Variants in IL3RA observed in about 807,000 individuals in gnomAD.
IL3RA encodes the protein interleukin 3 receptor subunit alpha.
A neutral mutation model predicts 52.3 loss-of-function variants in IL3RA; 73 were observed. That is an observed-to-expected ratio of 1.40 (90% CI 1.16 to 1.70). IL3RA has a LOEUF of 1.70. Among genes scored for constraint, IL3RA ranks in the 40% most tolerant of loss-of-function variants. The pLI is 0.00. For synonymous variants in IL3RA, 260 were observed against 194.0 expected, an observed-to-expected ratio of 1.34 and a Z score of -2.83; for missense variants, 664 against 504.4, an observed-to-expected ratio of 1.32 and a Z score of -3.03.
chrX:1,355,410 C>T (rs1384293655), intron 6 of IL3RA, among the ~76,000 whole-genome samples: 1 of 82,418 alleles, frequency 1.2e-5, no homozygotes, highest in Non-Finnish European at 2.2e-5. Context: ...AGAGTAGGAG[C>T]GGAGGGGGAG....
Position 1,378,885 on chromosome X carries a change from C to T in IL3RA, c.980+121C>T, listed in dbSNP as rs2088986572. The T allele has an allele frequency of 5.2e-6, 5 of 964,060 alleles. No homozygotes were observed. In the Admixed American group the frequency reaches 8.4e-5, roughly 16 times the overall value. The allele number at this position is 964,060 out of a possible 1,614,324, so 59.7% of individuals were successfully genotyped here. A position where few individuals can be genotyped will look rare whatever the true frequency, so the allele number is the denominator to read the frequency against. On this transcript the variant is annotated intron_variant, in intron 10 of 11. Coordinates refer to ENST00000331035, the MANE Select transcript of IL3RA (RefSeq NM_002183.4). The stretch of plus-strand genomic sequence containing the variant: ...TGTGATGGAGTCTCGCTCTGTCTCC[C>T]AGGCTGGAGTGCAGTGGCACGATCT...
intron 11 of IL3RA, among the ~76,000 whole-genome samples, 164 bp downstream of exon 11, chrX:1,381,268 G>T (rs190811192): frequency 1.3e-5 from 2 of 152,088 alleles, no homozygotes; most frequent in Non-Finnish European, 2.9e-5. Flanking sequence ...TGTGGTGGCG[G>T]GCGCCTGTAA....
At chrX:1,353,123 C>T (rs2086220028) in intron 6 of IL3RA, among the ~76,000 whole-genome samples, 1 of 149,948 alleles carries the variant, frequency 6.7e-6, no homozygotes, top group South Asian at 2.1e-4. Context: ...CATGGGACAC[C>T]CCCCATCATG....
chrX:1,365,158 C>G lies in IL3RA; in HGVS notation c.780C>G (p.Phe260Leu). 1 of 1,610,386 alleles carries G rather than the reference C, an allele frequency of 6.2e-7. No homozygotes were observed. The change falls in exon 9 of 12, where the codon TTC becomes TTG. Residue 260 changes from phenylalanine (F) to leucine (L), a missense_variant. Physicochemically the swap from Phe to Leu is conservative, Grantham distance 22. Coordinates refer to ENST00000331035, the MANE Select transcript of IL3RA (RefSeq NM_002183.4). ...CACAGGTCAGAGACAGAACCTCCTT[C>G]CAGCTACTCAATCCTGGAACGTACA... ...ITEQVRDRTS[F>L]QLLNPGTYTV... is the part of the protein sequence containing the mutation.
At chrX:1,380,863 C>T (rs748168808) in intron 10 of IL3RA, among the ~76,000 whole-genome samples, 160 bp from the exon 11 acceptor site, 29 of 151,462 alleles carry the variant, frequency 1.9e-4, no homozygotes, top group Admixed American at 1.3e-3. Flanking sequence ...TGGTCGGGGG[C>T]GTGTCAGGGC....
At chrX:1,362,331 GTCTGTT>G (rs1328240140) in intron 8 of IL3RA, among the ~76,000 whole-genome samples, 2 of 131,766 alleles carry the variant, frequency 1.5e-5, no homozygotes, top group Non-Finnish European at 3.3e-5. Context: ...GTCTCTCCCT[GTCTGTT>G]TCTATCTCTG....
chrX:1,349,462 G>C (rs2085981166), intron 4 of IL3RA, among the ~76,000 whole-genome samples: 1 of 151,662 alleles, frequency 6.6e-6, no homozygotes, highest in Admixed American at 6.6e-5. Flanking sequence ...GTACAGGGGT[G>C]AGCCACCGCG....
chrX:1,347,452 C>A (rs780627931), intron 3 of IL3RA, among the ~76,000 whole-genome samples: 19 of 150,506 alleles, frequency 1.3e-4, no homozygotes, highest in East Asian at 7.8e-4. Flanking sequence ...CTCAAAAAAA[C>A]AAAAACAAAA....
intron 1 of IL3RA, among the ~76,000 whole-genome samples, chrX:1,341,188 T>C (rs2085474169): frequency 6.6e-6 from 1 of 151,800 alleles, no homozygotes; most frequent in African/African-American, 2.4e-5. Flanking sequence ...TAATCCCAGC[T>C]ACTCAGGAGG....
In IL3RA at chrX:1,356,269, C is replaced by T; in HGVS notation, c.665C>T (p.Ser222Phe). The change falls in exon 7 of 12, where the codon TCC (serine) becomes TTC (phenylalanine). Residue 222 changes from serine to phenylalanine, a missense_variant. By Grantham distance (155) the Ser-to-Phe change is radical. Coordinates refer to ENST00000331035, the MANE Select transcript of IL3RA (RefSeq NM_002183.4). ...ACTGCAAAGTGTAATAAGACACATT[C>T]CTTTATGCACTGGAAAATGAGAAGT... ...NMTAKCNKTH[S>F]FMHWKMRSHF... 6.2e-7 allele frequency: 1 copy of T among 1,613,666 alleles called. No individual in the cohort carries two copies. Among genetic ancestry groups the T allele is most frequent in the South Asian group, 1.1e-5 (1 of 91,070 alleles).
intron 10 of IL3RA, among the ~76,000 whole-genome samples, chrX:1,380,801 C>T (rs370994896): frequency 1.3e-4 from 19 of 151,664 alleles, no homozygotes; most frequent in South Asian, 4.2e-4. Context: ...TGGGTGGCTC[C>T]GGTACCAGCG....
intron 4 of IL3RA, among the ~76,000 whole-genome samples, chrX:1,351,863 C>T (rs1343878329): frequency 2.0e-5 from 3 of 152,018 alleles, no homozygotes; most frequent in South Asian, 2.1e-4. Context: ...CTCCGGACCT[C>T]GGGTGATCCA....
At chrX:1,348,389 C>CAT in intron 3 of IL3RA, 42 bp from the exon 4 acceptor site, 3 of 1,438,422 alleles carry the variant, frequency 2.1e-6, no homozygotes, top group Non-Finnish European at 2.9e-6. Context: ...TCAAATTAAG[C>CAT]ATGGTCTGTC....
chrX:1,368,102 G>C (rs765023001), intron 9 of IL3RA, among the ~76,000 whole-genome samples: 11 of 152,048 alleles, frequency 7.2e-5, no homozygotes, highest in African/African-American at 2.4e-4. Flanking sequence ...TACAAAAAAT[G>C]TAACAAATTA....
Position 1,352,438 on chromosome X carries a change from T to G in IL3RA, c.548T>G (p.Leu183Arg). The change falls in exon 6 of 12, where the codon CTG (leucine) becomes CGG (arginine). Residue 183 changes from leucine to arginine, a missense_variant. Physicochemically the swap from Leu to Arg is moderately radical, Grantham distance 102. Coordinates refer to ENST00000331035, the MANE Select transcript of IL3RA (RefSeq NM_002183.4). ...AGCGGTTCTCAAAGTTCCCACATCCTGGTGCGGGGCAGGAGCGCAGCCTTC... is the reference window on the plus strand; with the variant it reads ...AGCGGTTCTCAAAGTTCCCACATCCGGGTGCGGGGCAGGAGCGCAGCCTTC... ...LSSGSQSSHI[L>R]VRGRSAAFGI... 2 of 1,613,872 alleles carry G rather than the reference T, an allele frequency of 1.2e-6. No homozygotes were observed. The highest frequency in any genetic ancestry group is 1.7e-6 in the Non-Finnish European group (2 of 1,179,856).
chrX:1,357,320 C>T (rs190125448), intron 7 of IL3RA, among the ~76,000 whole-genome samples: 26 of 151,386 alleles, frequency 1.7e-4, no homozygotes, highest in African/African-American at 4.6e-4. Context: ...ATTTTTGAGA[C>T]GGAGTCCTGC....
chrX:1,368,188 G>A (rs1417575272), intron 9 of IL3RA, among the ~76,000 whole-genome samples: 1 of 151,472 alleles, frequency 6.6e-6, no homozygotes, highest in Non-Finnish European at 1.5e-5. Flanking sequence ...GAACCCGGGA[G>A]GCGGAGGTTG....
intron 8 of IL3RA, among the ~76,000 whole-genome samples, chrX:1,361,708 G>C (rs1369809694): frequency 1.4e-5 from 2 of 145,838 alleles, no homozygotes; most frequent in Admixed American, 1.4e-4. Context: ...AGTTGAGATC[G>C]CGCCACTGCA....
Position 1,381,089 on chromosome X carries a change from C to A in IL3RA, c.1047C>A (p.Phe349Leu). ...TGAAAGACCCCATCGGTGACAGCTT[C>A]CAAAACGACAAGCTGGTATGTTGTT... is the stretch of plus-strand genomic sequence containing the variant. ...PHMKDPIGDSFQNDKLVVWEA... is the reference protein window; with the variant it reads ...PHMKDPIGDSLQNDKLVVWEA... The change falls in exon 11 of 12, where the codon TTC becomes TTA. Residue 349 changes from phenylalanine (F) to leucine (L), a missense_variant. By Grantham distance (22) the Phe-to-Leu change is conservative (BLOSUM62 0). Coordinates refer to ENST00000331035, the MANE Select transcript of IL3RA (RefSeq NM_002183.4). 6.2e-7 allele frequency: 1 copy of A among 1,613,884 alleles called. No homozygotes were observed. Among genetic ancestry groups the A allele is most frequent in the South Asian group, 1.1e-5 (1 of 91,066 alleles).
Sources: gnomAD v4.1 joint callset for allele counts (sites outside exome capture counted in the v4.1 genomes callset) on GRCh38, gnomAD v4.1.1 for gene constraint, MANE v1.5 for transcripts, NCBI Gene and HGNC (gene_info 2026-07-23, HGNC 2026-07-21) for gene names.